RABGAP1L: variants seen among roughly 807,000 people sequenced by gnomAD.
RABGAP1L encodes the protein RAB GTPase activating protein 1 like.
RABGAP1L carries 63 observed loss-of-function variants against 137.7 expected under a neutral mutation model. That is an observed-to-expected ratio of 0.46 (90% confidence interval 0.37 to 0.56). RABGAP1L has a LOEUF of 0.56. Among genes scored for constraint, RABGAP1L ranks in the 20% least tolerant of loss-of-function variants. RABGAP1L has a pLI of 0.00. For missense variants in RABGAP1L, 1,095 were observed against 1,244.0 expected, an observed-to-expected ratio of 0.88 and a Z score of 1.80; for synonymous variants, 431 against 433.7, an observed-to-expected ratio of 0.99 and a Z score of 0.08.
intron 10 of RABGAP1L, among the ~76,000 whole-genome samples, chr1:174,281,830 A>C: frequency 6.6e-6 from 1 of 152,220 alleles, no homozygotes; most frequent in East Asian, 1.9e-4. Context: ...CAAAATTAAG[A>C]TCCCTCACTC....
intron 19 of RABGAP1L, among the ~76,000 whole-genome samples, chr1:174,825,301 G>A (rs1322929388): frequency 2.6e-5 from 4 of 152,198 alleles, no homozygotes; most frequent in East Asian, 1.9e-4. Context: ...GAAGCGTCAC[G>A]TTCTCATTGT....
intron 19 of RABGAP1L, among the ~76,000 whole-genome samples, chr1:174,869,594 G>A (rs1408601171): frequency 6.6e-6 from 1 of 151,964 alleles, no homozygotes; most frequent in Non-Finnish European, 1.5e-5. Flanking sequence ...GTGTGAAAAC[G>A]GACTAATACA....
chr1:174,486,223 C>CTT (rs201692363), intron 13 of RABGAP1L, among the ~76,000 whole-genome samples: 4 of 119,878 alleles, frequency 3.3e-5, no homozygotes, highest in Non-Finnish European at 7.0e-5. Context: ...GTTCTTTTTT[C>CTT]TTTTTTTTTT....
At chr1:174,804,928 CTGT>C (rs1689126159) in intron 18 of RABGAP1L, among the ~76,000 whole-genome samples, 1 of 152,172 alleles carries the variant, frequency 6.6e-6, no homozygotes, top group Non-Finnish European at 1.5e-5. Flanking sequence ...CTTTTTACCT[CTGT>C]TGTTAACAGC....
At chr1:174,266,219 CTT>C (rs1234834132) in intron 7 of RABGAP1L, among the ~76,000 whole-genome samples, 1 of 152,144 alleles carries the variant, frequency 6.6e-6, no homozygotes, top group Non-Finnish European at 1.5e-5. Context: ...AAACTTACCT[CTT>C]AAGATTGTGG....
intron 13 of RABGAP1L, among the ~76,000 whole-genome samples, chr1:174,491,883 C>T (rs1376772851): frequency 6.6e-6 from 1 of 152,160 alleles, no homozygotes; most frequent in Non-Finnish European, 1.5e-5. Context: ...TTAAGTGCAG[C>T]GTGTCACAAT....
intron 11 of RABGAP1L, among the ~76,000 whole-genome samples, chr1:174,361,903 T>C (rs1374587960): frequency 6.6e-6 from 1 of 152,190 alleles, no homozygotes; most frequent in Non-Finnish European, 1.5e-5. Flanking sequence ...TAGTACCCTT[T>C]AATTACTTTT....
intron 18 of RABGAP1L, among the ~76,000 whole-genome samples, chr1:174,785,463 G>A (rs556825287): frequency 9.9e-5 from 15 of 152,212 alleles, no homozygotes; most frequent in African/African-American, 2.9e-4. Context: ...GTAAAGGAAC[G>A]ATAATTGTAG....
At chr1:174,181,725 C>G (rs1666386763) in intron 1 of RABGAP1L, among the ~76,000 whole-genome samples, 1 of 152,236 alleles carries the variant, frequency 6.6e-6, no homozygotes, top group East Asian at 1.9e-4. Flanking sequence ...GGGACTGTAA[C>G]CACCATTAGT....
intron 7 of RABGAP1L, among the ~76,000 whole-genome samples, chr1:174,261,664 T>G (rs1366660221): frequency 6.6e-6 from 1 of 152,212 alleles, no homozygotes; most frequent in Non-Finnish European, 1.5e-5. Flanking sequence ...TTATTATTTT[T>G]TGACTGCTCT....
At chr1:174,278,486 TTAAAAA>T in intron 9 of RABGAP1L, 121 bp from the exon 10 acceptor site, 1 of 700,054 alleles carries the variant, frequency 1.4e-6, no homozygotes, top group Non-Finnish European at 2.4e-6. Context: ...AATAGAACAG[TTAAAAA>T]TAAACATAGA....
intron 4 of RABGAP1L, among the ~76,000 whole-genome samples, chr1:174,234,535 A>G (rs1265074122): frequency 4.9e-5 from 7 of 143,564 alleles, no homozygotes; most frequent in African/African-American, 9.0e-5. Context: ...TCCTTTCCCC[A>G]TTGCTTCTTT....
rs191828700 is a variant in RABGAP1L at position 174,454,594 on chromosome 1, A to G, written c.1710+60449A>G. Reference sequence around the variant, plus strand: ...TAGACAGAGTCTCGCTCTGTTGCCCAGGCTGGAGGGCAGTGGCGCTATCTC... The same window carrying G: ...TAGACAGAGTCTCGCTCTGTTGCCCGGGCTGGAGGGCAGTGGCGCTATCTC... On this transcript the variant is annotated intron_variant, in intron 13 of 25. Coordinates refer to ENST00000681986, the MANE Select transcript of RABGAP1L (RefSeq NM_001366446.1). Among the ~76,000 whole-genome samples the G allele has an allele frequency of 5.0e-5, 7 of 140,470 alleles. No homozygotes were observed. In the East Asian group the frequency reaches 1.4e-3, roughly 28 times the overall value. The allele number at this position is 140,470 out of a possible 152,430, so 92.2% of individuals were successfully genotyped here.
intron 1 of RABGAP1L, among the ~76,000 whole-genome samples, chr1:174,198,626 G>C (rs1325362061): frequency 1.3e-5 from 2 of 152,126 alleles, no homozygotes; most frequent in African/African-American, 4.8e-5. Context: ...ATAGCAACAG[G>C]GTGCATTGGA....
In RABGAP1L at chr1:174,540,599, G is replaced by T. The variant is rs1665307907; in HGVS notation, c.1711-96776G>T. 2.0e-5 allele frequency among the ~76,000 whole-genome samples: 3 copies of T among 152,266 alleles called. No homozygotes were observed. The South Asian group carries it at 6.2e-4, about 32-fold the overall frequency. On this transcript the variant is annotated intron_variant, in intron 13 of 25. Coordinates refer to ENST00000681986, the MANE Select transcript of RABGAP1L (RefSeq NM_001366446.1). The stretch of plus-strand genomic sequence containing the variant: ...TGTCAGGTTTGTCAGAGATCAGATG[G>T]TTGTAGATGTGTGGTGTTATTTCTG...
At chr1:174,486,049 T>C (rs1426802500) in intron 13 of RABGAP1L, among the ~76,000 whole-genome samples, 1 of 152,168 alleles carries the variant, frequency 6.6e-6, no homozygotes, top group Non-Finnish European at 1.5e-5. Flanking sequence ...GTTTCTTCCT[T>C]GTTCACTCTT....
At chr1:174,439,470 G>A (rs1653876464) in intron 13 of RABGAP1L, among the ~76,000 whole-genome samples, 1 of 152,062 alleles carries the variant, frequency 6.6e-6, no homozygotes, top group Non-Finnish European at 1.5e-5. Context: ...AAGTGCATTG[G>A]TACTGTATTT....
chr1:174,596,974 TC>T (rs1185632361), intron 13 of RABGAP1L, among the ~76,000 whole-genome samples: 1 of 152,182 alleles, frequency 6.6e-6, no homozygotes, highest in African/African-American at 2.4e-5. Flanking sequence ...ATTGAAATGA[TC>T]ATATGGTCTA....
intron 10 of RABGAP1L, among the ~76,000 whole-genome samples, chr1:174,290,908 T>A (rs985895246): frequency 6.6e-6 from 1 of 151,900 alleles, no homozygotes. Flanking sequence ...ACTACAAGCA[T>A]GTGCCACCAC....
Sources: allele counts gnomAD v4.1 joint callset (sites outside exome capture counted in the v4.1 genomes callset), GRCh38; gene constraint gnomAD v4.1.1; transcripts MANE v1.5; gene names NCBI Gene and HGNC (gene_info 2026-07-23, HGNC 2026-07-21).